Variants in TMEM132B observed in about 807,000 individuals in gnomAD.
TMEM132B encodes the protein transmembrane protein 132B.
A neutral mutation model predicts 90.8 loss-of-function variants in TMEM132B; 18 were observed. That is an observed-to-expected ratio of 0.20 (90% confidence interval 0.14 to 0.29). TMEM132B has a LOEUF of 0.29. Ranked by LOEUF, TMEM132B falls within the 10% of genes least tolerant of loss-of-function variation. TMEM132B has a pLI of 1.00. For synonymous variants in TMEM132B, 504 were observed against 523.3 expected (o/e 0.96, Z 0.50); for missense variants, 1,096 against 1,326.8 (o/e 0.83, Z 2.70).
At chr12:125,565,766 T>C (rs1884644611) in intron 4 of TMEM132B, among the ~76,000 whole-genome samples, 1 of 152,196 alleles carries the variant, frequency 6.6e-6, no homozygotes, top group East Asian at 1.9e-4. Flanking sequence ...TCTCCTCTTT[T>C]GTTCATCTCT....
At chr12:125,230,913 A>G (rs1873805357) in intron 1 of TMEM132B, among the ~76,000 whole-genome samples, 1 of 152,182 alleles carries the variant, frequency 6.6e-6, no homozygotes, top group African/African-American at 2.4e-5. Flanking sequence ...TGGCCTGTCC[A>G]TACTGTTGTT....
chr12:125,343,197 G>A (rs1877248025), intron 1 of TMEM132B, among the ~76,000 whole-genome samples: 1 of 152,170 alleles, frequency 6.6e-6, no homozygotes, highest in Admixed American at 6.5e-5. Context: ...GAGGCTCCAG[G>A]ATATGTAAGG....
intron 1 of TMEM132B, among the ~76,000 whole-genome samples, chr12:125,327,797 TA>T (rs1275467412): frequency 0.013 from 1,970 of 151,316 alleles, 43 homozygotes; most frequent in African/African-American, 0.045. Context: ...TCCAAGGTTT[TA>T]AAAAAAAAAT....
At chr12:125,227,790 T>C (rs1873715922) in intron 1 of TMEM132B, among the ~76,000 whole-genome samples, 1 of 152,018 alleles carries the variant, frequency 6.6e-6, no homozygotes, top group Non-Finnish European at 1.5e-5. Flanking sequence ...GCTGCTCTGG[T>C]TGTGTGTAGG....
chr12:125,540,929 A>G (rs1359213764), intron 4 of TMEM132B, among the ~76,000 whole-genome samples: 5 of 152,160 alleles, frequency 3.3e-5, no homozygotes, highest in African/African-American at 1.2e-4. Flanking sequence ...TTTCCTTGGT[A>G]TCTCCCCTCC....
At chr12:125,334,413 T>G (rs772680725) in intron 1 of TMEM132B, among the ~76,000 whole-genome samples, 16 of 152,216 alleles carry the variant, frequency 1.1e-4, no homozygotes, top group Non-Finnish European at 1.9e-4. Flanking sequence ...AGCTAGGGGT[T>G]TTCTGATCTT....
chr12:125,196,332 G>A (rs1340075195), intron 1 of TMEM132B, among the ~76,000 whole-genome samples: 1 of 152,348 alleles, frequency 6.6e-6, no homozygotes. Flanking sequence ...CGTGAGTTGG[G>A]CCTTTGCCTT....
intron 3 of TMEM132B, among the ~76,000 whole-genome samples, chr12:125,426,871 T>A (rs1014761245): frequency 6.6e-6 from 1 of 152,126 alleles, no homozygotes; most frequent in South Asian, 2.1e-4. Flanking sequence ...TAGGCAGCGC[T>A]CCCCATAGTC....
intron 4 of TMEM132B, among the ~76,000 whole-genome samples, chr12:125,533,710 T>C (rs1883714073): frequency 6.6e-6 from 1 of 152,126 alleles, no homozygotes; most frequent in African/African-American, 2.4e-5. Context: ...CTGCCCGGCC[T>C]GACTGGCTGC....
intron 4 of TMEM132B, among the ~76,000 whole-genome samples, chr12:125,580,892 G>C (rs1240796239): frequency 6.6e-6 from 1 of 152,120 alleles, no homozygotes; most frequent in Non-Finnish European, 1.5e-5. Context: ...TTTTTGATAG[G>C]TTAGGAATTT....
At position 125,661,239 on chromosome 12, in the gene TMEM132B, T is replaced by C. The variant is rs1179313743; in HGVS notation, c.*6529T>C. 1.3e-5 allele frequency: 2 copies of C among 152,370 alleles called. No homozygotes were observed. Among genetic ancestry groups the C allele is most frequent in the East Asian group, 3.9e-4 (2 of 5,186 alleles). 9.4% of individuals were successfully genotyped at this position (152,370 alleles called of 1,614,324 possible). On this transcript the variant is annotated 3_prime_UTR_variant, in exon 9 of 9. Coordinates refer to ENST00000682704, the MANE Select transcript of TMEM132B (RefSeq NM_001366854.1). ...CTTAGAGATGCTTCCTCAAAGAGCGTGCCTTTTTCCTCCATCATAACCGCT... is the reference window on the plus strand; with the variant it reads ...CTTAGAGATGCTTCCTCAAAGAGCGCGCCTTTTTCCTCCATCATAACCGCT...
At chr12:125,417,950 GGGGGA>G (rs1297839849) in intron 3 of TMEM132B, among the ~76,000 whole-genome samples, 6 of 152,178 alleles carry the variant, frequency 3.9e-5, no homozygotes, top group Non-Finnish European at 8.8e-5. Flanking sequence ...GGCAGAGAGT[GGGGGA>G]GGGATTGTTG....
At chr12:125,510,099 GAT>G (rs1008511508) in intron 3 of TMEM132B, among the ~76,000 whole-genome samples, 2 of 152,308 alleles carry the variant, frequency 1.3e-5, no homozygotes, top group African/African-American at 4.8e-5. Context: ...TTGTCAGAAA[GAT>G]AGAGGCAGTG....
chr12:125,568,095 T>A (rs1884703004), intron 4 of TMEM132B, among the ~76,000 whole-genome samples: 1 of 152,124 alleles, frequency 6.6e-6, no homozygotes, highest in South Asian at 2.1e-4. Context: ...TTCTAACTCA[T>A]CTCATTCTCT....
rs554167231 is a variant in TMEM132B at position 125,197,008 on chromosome 12, C to T, written c.67+10142C>T. 2.0e-4 allele frequency among the ~76,000 whole-genome samples: 31 copies of T among 152,170 alleles called. No individual in the cohort carries two copies. In the South Asian group the frequency reaches 6.0e-3, roughly 30 times the overall value. ...CACTAAGATTTTTGTTTTTAATTAA[C>T]TTTTATTTTAAGTTCAGGGGTACAT... On this transcript the variant is annotated intron_variant, in intron 1 of 8. Transcript: ENST00000682704.
At chr12:125,450,409 T>C (rs972652136) in intron 3 of TMEM132B, among the ~76,000 whole-genome samples, 6 of 152,138 alleles carry the variant, frequency 3.9e-5, no homozygotes, top group Non-Finnish European at 7.4e-5. Context: ...AGCACCAAAA[T>C]AGGCACAGTA....
intron 4 of TMEM132B, among the ~76,000 whole-genome samples, chr12:125,574,796 A>G (rs1185045328): frequency 6.6e-6 from 1 of 151,778 alleles, no homozygotes; most frequent in Non-Finnish European, 1.5e-5. Context: ...ATTGTTGTCC[A>G]TCTTTCACAA....
At chr12:125,454,394 G>C (rs113300297) in intron 3 of TMEM132B, among the ~76,000 whole-genome samples, 2 of 143,570 alleles carry the variant, frequency 1.4e-5, no homozygotes, top group African/African-American at 5.2e-5. Context: ...GTGTGTGTTT[G>C]TGTGTGTGTG....
chr12:125,203,280 A>G (rs1873106838), intron 1 of TMEM132B, among the ~76,000 whole-genome samples: 1 of 152,122 alleles, frequency 6.6e-6, no homozygotes, highest in South Asian at 2.1e-4. Flanking sequence ...AATTATCTCT[A>G]TCGACTGCAC....
Sources: allele counts gnomAD v4.1 joint callset (sites outside exome capture counted in the v4.1 genomes callset), GRCh38; gene constraint gnomAD v4.1.1; transcripts MANE v1.5; gene names NCBI Gene and HGNC (gene_info 2026-07-23, HGNC 2026-07-21).